Variants in JAKMIP1 observed in about 807,000 individuals in gnomAD.
The protein encoded by JAKMIP1 is janus kinase and microtubule interacting protein 1, also known as janus kinase and microtubule-interacting protein 1.
Under a neutral mutation model 113.0 loss-of-function variants are expected in JAKMIP1, and 33 were observed. The observed-to-expected ratio is 0.29, with a 90% CI of 0.22 to 0.39. The LOEUF is 0.39. JAKMIP1 is among the 10% of genes least tolerant of loss of function. The probability of loss-of-function intolerance (pLI) is 1.00; values close to 1 mark genes in which losing one functional copy is unlikely to be tolerated. For missense variants in JAKMIP1, 813 were observed against 1,080.5 expected (o/e 0.75, Z 3.47); for synonymous variants, 480 against 459.9 (o/e 1.04, Z -0.56).
chr4:6,085,079 G>A (rs1721100439), intron 4 of JAKMIP1, 114 bp from the exon 5 acceptor site: 1 of 1,289,602 alleles, frequency 7.8e-7, no homozygotes, highest in Non-Finnish European at 1.0e-6. Context: ...TCCTTATTCA[G>A]GGGCCCACAT....
At chr4:6,107,044 A>C (rs575606245) in intron 2 of JAKMIP1, among the ~76,000 whole-genome samples, 2 of 152,342 alleles carry the variant, frequency 1.3e-5, no homozygotes, top group East Asian at 1.9e-4. Context: ...AAACCAACCC[A>C]GGCAAACACA....
At position 6,142,222 on chromosome 4, in the gene JAKMIP1, T is replaced by C. The variant is rs2108963661; in HGVS notation, c.-147-29225A>G. 6.6e-6 allele frequency among the ~76,000 whole-genome samples: 1 copy of C among 152,346 alleles called. No individual in the cohort carries two copies. The highest frequency in any genetic ancestry group is 2.1e-4 in the South Asian group (1 of 4,824). On this transcript the variant is annotated intron_variant, in intron 1 of 20. Transcript: ENST00000409021. This position sits in a 1 kb window ranked among gnomAD's most constrained non-coding sequence, Gnocchi z 5.5. ...ACACTTTGGTTATTTCTGAGGATTT[T>C]GTACAGATTTAGAATTTTTTTCCAT...
chr4:6,178,676 T>C lies in JAKMIP1; in HGVS notation c.-148+21577A>G, dbSNP rs1423735847. 6.6e-6 allele frequency among the ~76,000 whole-genome samples: 1 copy of C among 152,222 alleles called. No homozygotes were observed. The highest frequency in any genetic ancestry group is 1.5e-5 in the Non-Finnish European group (1 of 68,036). On this transcript the variant is annotated intron_variant, in intron 1 of 20. Transcript: ENST00000409021. This position sits in a 1 kb window ranked among gnomAD's most constrained non-coding sequence, Gnocchi z 5.5. The stretch of plus-strand genomic sequence containing the variant: ...TAAGGCTTCCCCAGCCATGCAAAAC[T>C]GTGAGTCAATTAAACCTCTTTTCTT...
intron 3 of JAKMIP1, among the ~76,000 whole-genome samples, chr4:6,105,157 T>C (rs1713688752): frequency 6.6e-6 from 1 of 152,258 alleles, no homozygotes; most frequent in African/African-American, 2.4e-5. Context: ...TACCTGGAGA[T>C]GGAAGTCTGC....
intron 13 of JAKMIP1, among the ~76,000 whole-genome samples, chr4:6,052,650 TAAAAAA>T (rs762425260): frequency 1.9e-5 from 1 of 53,988 alleles, no homozygotes; most frequent in East Asian, 6.5e-4. Flanking sequence ...GACTCTGTCC[TAAAAAA>T]AAAAAAAAAA....
At chr4:6,033,585 A>C (rs1713019885) in intron 19 of JAKMIP1, among the ~76,000 whole-genome samples, 1 of 152,206 alleles carries the variant, frequency 6.6e-6, no homozygotes, top group African/African-American at 2.4e-5. Context: ...ACAGACAAGA[A>C]AATTGAGGCT....
intron 3 of JAKMIP1, among the ~76,000 whole-genome samples, chr4:6,091,021 C>G (rs1455269155): frequency 6.6e-6 from 1 of 152,254 alleles, no homozygotes; most frequent in African/African-American, 2.4e-5. Context: ...TGTGTAGACA[C>G]AAGTCCAAAA....
Position 6,097,655 on chromosome 4 carries a change from G to A in JAKMIP1, c.624+7818C>T, listed in dbSNP as rs1274592394. Among the ~76,000 whole-genome samples, 1 of 152,106 alleles carries A rather than the reference G, an allele frequency of 6.6e-6. No homozygotes were observed. The highest frequency in any genetic ancestry group is 1.5e-5 in the Non-Finnish European group (1 of 68,022). On this transcript the variant is annotated intron_variant, in intron 3 of 20. Transcript: ENST00000409021. The surrounding 1 kb of genome is among the most constrained non-coding windows in gnomAD (Gnocchi z 4.3). ...TCAACCTATTTCTATACCACCTTTG[G>A]AAAACTCCATAAGGATGGGGGAAGC... is the stretch of plus-strand genomic sequence containing the variant.
intron 20 of JAKMIP1, among the ~76,000 whole-genome samples, chr4:6,026,588 C>T (rs1711837282): frequency 6.6e-6 from 1 of 152,064 alleles, no homozygotes; most frequent in South Asian, 2.1e-4. Context: ...ATGTGGCCTT[C>T]ATGCAGAACT....
chr4:6,037,105 A>G (rs1029684477), intron 18 of JAKMIP1, among the ~76,000 whole-genome samples: 1 of 147,986 alleles, frequency 6.8e-6, no homozygotes, highest in Non-Finnish European at 1.5e-5. Context: ...ACTGAGGCAG[A>G]GGCTAACCGG....
In JAKMIP1 at chr4:6,183,512, A is replaced by T. The variant is rs570028012; in HGVS notation, c.-148+16741T>A. Among the ~76,000 whole-genome samples, 29 of 151,852 alleles carry T rather than the reference A, an allele frequency of 1.9e-4. No individual in the cohort carries two copies. The highest frequency in any genetic ancestry group is 3.6e-4 in the African/African-American group (15 of 41,524). Reference sequence around the variant, plus strand: ...AATAAATAAATAAATAAATAAATTTAAAAAAGAAAGTAAAATGGAACAGAA... The same window carrying T: ...AATAAATAAATAAATAAATAAATTTTAAAAAGAAAGTAAAATGGAACAGAA... On this transcript the variant is annotated intron_variant, in intron 1 of 20. Coordinates refer to ENST00000409021, the MANE Select transcript of JAKMIP1 (RefSeq NM_001099433.2). The surrounding 1 kb of genome is among the most constrained non-coding windows in gnomAD (Gnocchi z 5.3).
At position 6,080,328 on chromosome 4, in the gene JAKMIP1, G is replaced by A. The variant is rs1720325083; in HGVS notation, c.1102-16C>T. ...GCTTTTCTTTCTGCAGCCACAGGGA[G>A]ACAGACCACCACAGGGTTACCCGCC... On this transcript the variant is annotated splice_polypyrimidine_tract_variant and intron_variant, in intron 6 of 20. Coordinates refer to ENST00000409021, the MANE Select transcript of JAKMIP1 (RefSeq NM_001099433.2). This position sits in a 1 kb window ranked among gnomAD's most constrained non-coding sequence, Gnocchi z 6.0. 6.2e-7 allele frequency: 1 copy of A among 1,612,396 alleles called. No homozygotes were observed. Among genetic ancestry groups the A allele is most frequent in the Non-Finnish European group, 8.5e-7 (1 of 1,179,200 alleles).
At position 6,136,575 on chromosome 4, in the gene JAKMIP1, C is replaced by G. The variant is rs1337319034; in HGVS notation, c.-147-23578G>C. 1.3e-5 allele frequency among the ~76,000 whole-genome samples: 2 copies of G among 152,168 alleles called. No individual in the cohort carries two copies. Among genetic ancestry groups the G allele is most frequent in the African/African-American group, 4.8e-5 (2 of 41,448 alleles). On this transcript the variant is annotated intron_variant, in intron 1 of 20. Coordinates refer to ENST00000409021, the MANE Select transcript of JAKMIP1 (RefSeq NM_001099433.2). The surrounding 1 kb of genome is among the most constrained non-coding windows in gnomAD (Gnocchi z 5.9). ...GAGCGACTAAGTTCCTGTCCACGGTCACACAACCAAGGATGGCTCGTGTCA... is the reference window on the plus strand; with the variant it reads ...GAGCGACTAAGTTCCTGTCCACGGTGACACAACCAAGGATGGCTCGTGTCA...
rs1714267051 is a variant in JAKMIP1, at chr4:6,108,061, G to T, written c.130-2094C>A. On this transcript the variant is annotated intron_variant, in intron 2 of 20. Coordinates refer to ENST00000409021, the MANE Select transcript of JAKMIP1 (RefSeq NM_001099433.2). The surrounding 1 kb of genome is among the most constrained non-coding windows in gnomAD (Gnocchi z 5.6). ...GCAGGGCAGCCCGGGGCGTCTAGGG[G>T]CTGCTTCCTGGGAGGGGCAGAGGTG... is the stretch of plus-strand genomic sequence containing the variant. Among the ~76,000 whole-genome samples the T allele has an allele frequency of 6.6e-6, 1 of 152,202 alleles. No homozygotes were observed. The highest frequency in any genetic ancestry group is 2.1e-4 in the South Asian group (1 of 4,824).
rs1722255129 is a variant in JAKMIP1, at chr4:6,156,508, A to C, written c.-147-43511T>G. Among the ~76,000 whole-genome samples the C allele has an allele frequency of 6.6e-6, 1 of 152,172 alleles. No homozygotes were observed. Among genetic ancestry groups the C allele is most frequent in the South Asian group, 2.1e-4 (1 of 4,830 alleles). ...CAGATTGTTGTGCATTTCCTTTCTT[A>C]TAATTTGCAGAAATAAATCCAGAGC... is the stretch of plus-strand genomic sequence containing the variant. On this transcript the variant is annotated intron_variant, in intron 1 of 20. Coordinates refer to ENST00000409021, the MANE Select transcript of JAKMIP1 (RefSeq NM_001099433.2). The surrounding 1 kb of genome is among the most constrained non-coding windows in gnomAD (Gnocchi z 5.0).
At position 6,129,240 on chromosome 4, in the gene JAKMIP1, C is replaced by G. The variant is rs1270435654; in HGVS notation, c.-147-16243G>C. Among the ~76,000 whole-genome samples the G allele has an allele frequency of 6.6e-6, 1 of 152,148 alleles. No individual in the cohort carries two copies. Among genetic ancestry groups the G allele is most frequent in the African/African-American group, 2.4e-5 (1 of 41,446 alleles). The stretch of plus-strand genomic sequence containing the variant: ...TCCTGATTCCTTGATAAAAATAGTC[C>G]CCCCTTCTGCAGAATCAAGTACAAC... On this transcript the variant is annotated intron_variant, in intron 1 of 20. Transcript: ENST00000409021. This position sits in a 1 kb window ranked among gnomAD's most constrained non-coding sequence, Gnocchi z 5.4.
rs1034049583 is a variant in JAKMIP1 at position 6,184,476 on chromosome 4, A to G, written c.-148+15777T>C. Among the ~76,000 whole-genome samples the G allele has an allele frequency of 6.6e-6, 1 of 152,180 alleles. No individual in the cohort carries two copies. Among genetic ancestry groups the G allele is most frequent in the Admixed American group, 6.5e-5 (1 of 15,290 alleles). ...GGAGAGAGGGCAAGGCAAGTGCAGT[A>G]TAAGAGCCAGGGTGCCTTCCCTCTT... On this transcript the variant is annotated intron_variant, in intron 1 of 20. Coordinates refer to ENST00000409021, the MANE Select transcript of JAKMIP1 (RefSeq NM_001099433.2). This position sits in a 1 kb window ranked among gnomAD's most constrained non-coding sequence, Gnocchi z 4.5.
rs772550560 is a variant in JAKMIP1 at position 6,049,054 on chromosome 4, GTC to G, written c.1963-134_1963-133del. On this transcript the variant is annotated intron_variant, in intron 15 of 20. Coordinates refer to ENST00000409021, the MANE Select transcript of JAKMIP1 (RefSeq NM_001099433.2). This position sits in a 1 kb window ranked among gnomAD's most constrained non-coding sequence, Gnocchi z 7.0. ...TTATGTTTGTTTGTTTTGAGACGGA[GTC>G]TCTCTCTGTCACCTGGGTTTGAGTG... 1.6e-5 allele frequency: 11 copies of G among 681,594 alleles called. No individual in the cohort carries two copies. The highest frequency in any genetic ancestry group is 2.6e-5 in the Non-Finnish European group (10 of 390,116). The allele number at this position is 681,594 out of a possible 1,614,324, so 42.2% of individuals were successfully genotyped here. A position where few individuals can be genotyped will look rare whatever the true frequency, so the allele number is the denominator to read the frequency against.
chr4:6,091,627 C>T (rs756955691), intron 3 of JAKMIP1, among the ~76,000 whole-genome samples: 22 of 152,216 alleles, frequency 1.4e-4, no homozygotes, highest in Admixed American at 3.9e-4. Context: ...CCAAAGGCTT[C>T]TCTTCCCACC....
Sources: gnomAD v4.1 joint callset for allele counts (sites outside exome capture counted in the v4.1 genomes callset) on GRCh38, gnomAD v4.1.1 for gene constraint, Gnocchi (gnomAD v3.1) non-coding constraint, MANE v1.5 for transcripts, NCBI Gene and HGNC (gene_info 2026-07-23, HGNC 2026-07-21) for gene names.